The following ICA1L variants were observed in gnomAD, a reference collection of about 807,000 sequenced individuals.
The protein encoded by ICA1L is islet cell autoantigen 1 like, also known as islet cell autoantigen 1-like protein.
In ICA1L, 50 loss-of-function variants were observed where a neutral mutation model predicts 61.3. The ratio of observed to expected loss-of-function variants is 0.82; its 90% CI spans 0.65 to 1.03. The LOEUF (loss-of-function observed/expected upper bound fraction) is 1.03. Among genes scored for constraint, ICA1L ranks in the 50% least tolerant of loss-of-function variants. The pLI, the probability that ICA1L is intolerant of heterozygous loss-of-function variation, is 0.00. For synonymous variants in ICA1L, 161 were observed against 191.3 expected (o/e 0.84, Z 1.31); for missense variants, 508 against 556.7 (o/e 0.91, Z 0.88).
chr2:202,785,906 T>C lies in ICA1L; in HGVS notation c.1333+12A>G, dbSNP rs1416738458. 9 of 1,408,920 alleles carry C rather than the reference T, an allele frequency of 6.4e-6. No homozygotes were observed. The highest frequency in any genetic ancestry group is 8.9e-6 in the Non-Finnish European group (9 of 1,006,008). The allele number at this position is 1,408,920 out of a possible 1,614,324, so 87.3% of individuals were successfully genotyped here. A position where few individuals can be genotyped will look rare whatever the true frequency, so the allele number is the denominator to read the frequency against. ...AAAGCAATGATAAAGAATATATAAA[T>C]AAATAACTTACATCTTGTTAATTTC... is the stretch of plus-strand genomic sequence containing the variant. On this transcript the variant is annotated intron_variant, in intron 12 of 12. Coordinates refer to ENST00000358299, the MANE Select transcript of ICA1L (RefSeq NM_001288622.3).
chr2:202,797,132 T>TTGTGTGTGTGTGTGTGTGTGTGTGTG (rs58006631), intron 9 of ICA1L, among the ~76,000 whole-genome samples, 168 bp from the exon 10 acceptor site: 11 of 147,726 alleles, frequency 7.4e-5, no homozygotes, highest in Non-Finnish European at 1.5e-5. Context: ...AAAATCACAT[T>TTGTGTGTGTGTGTGTGTGTGTGTGTG]TGTGTGTGTG....
At chr2:202,821,316 A>G in intron 4 of ICA1L, 42 bp downstream of exon 4, 1 of 1,592,412 alleles carries the variant, frequency 6.3e-7, no homozygotes, top group Non-Finnish European at 8.5e-7. Context: ...CAAAACTGTC[A>G]GATTGACTAC....
In ICA1L at chr2:202,774,233, T is replaced by C. The variant is rs367592195; in HGVS notation, c.*5300A>G. ...CGGATCGAAGGCGCGGGGCGGCTCC[T>C]GAGTCTTCTCGCTCCTGTCGGCCAA... is the stretch of plus-strand genomic sequence containing the variant. On this transcript the variant is annotated 3_prime_UTR_variant, in exon 13 of 13. Transcript: ENST00000358299. 3.2e-4 allele frequency: 495 copies of C among 1,548,688 alleles called. 1 individual carries two copies. Among genetic ancestry groups the C allele is most frequent in the African/African-American group, 2.6e-3 (189 of 72,974 alleles).
At chr2:202,862,271 A>C (rs1694939810) in intron 1 of ICA1L, among the ~76,000 whole-genome samples, 1 of 40,010 alleles carries the variant, frequency 2.5e-5, no homozygotes, top group Non-Finnish European at 5.2e-5. Context: ...CCTCATTTCT[A>C]CAAAAAAAAA....
chr2:202,782,302 G>A (rs1692432531), intron 12 of ICA1L, among the ~76,000 whole-genome samples: 1 of 152,000 alleles, frequency 6.6e-6, no homozygotes, highest in African/African-American at 2.4e-5. Context: ...CCAAGATCAT[G>A]CCACTGCACT....
At position 202,856,921 on chromosome 2, in the gene ICA1L, C is replaced by T. The variant is rs149173781; in HGVS notation, c.-8+14698G>A. On this transcript the variant is annotated intron_variant, in intron 1 of 12. Coordinates refer to ENST00000358299, the MANE Select transcript of ICA1L (RefSeq NM_001288622.3). ...ATAAAATACCTAGGAATACAAGTTA[C>T]AAGGGATGTGAAGCACCTCTTCAAG... 1.0e-2 allele frequency among the ~76,000 whole-genome samples: 1,516 copies of T among 152,262 alleles called. 5 individuals are homozygous for T. The highest frequency in any genetic ancestry group is 0.014 in the Non-Finnish European group (965 of 68,024).
chr2:202,817,918 T>A (rs1693585188), intron 5 of ICA1L, among the ~76,000 whole-genome samples: 1 of 152,184 alleles, frequency 6.6e-6, no homozygotes, highest in Non-Finnish European at 1.5e-5. Flanking sequence ...TGAGAAACAT[T>A]AATAATATTT....
At chr2:202,853,365 A>AC in intron 1 of ICA1L, among the ~76,000 whole-genome samples, 1 of 151,904 alleles carries the variant, frequency 6.6e-6, no homozygotes, top group East Asian at 1.9e-4. Flanking sequence ...AAAAAAAAAA[A>AC]AAAAAAGACT....
Position 202,819,738 on chromosome 2 carries a change from T to G in ICA1L, c.521A>C (p.Asp174Ala), listed in dbSNP as rs770757083. The part of the protein sequence containing the change: ...LWMKDVSQEL[D>A]PDTLKQMEKF... ...TTCCATTTGCTTTAAGGTGTCTGGG[T>G]CCAGCTCTTGGGATACATCTTTCAT... The change falls in exon 5 of 13, where the codon GAC (aspartate) becomes GCC (alanine). Residue 174 changes from aspartate to alanine, a missense_variant. By Grantham distance (126) the Asp-to-Ala change is moderately radical (BLOSUM62 -2). Transcript: ENST00000358299. 1.9e-6 allele frequency: 3 copies of G among 1,614,056 alleles called. No individual in the cohort carries two copies. The highest frequency in any genetic ancestry group is 8.5e-7 in the Non-Finnish European group (1 of 1,180,010).
At chr2:202,813,491 T>C (rs1225743215) in intron 8 of ICA1L, among the ~76,000 whole-genome samples, 5 of 152,190 alleles carry the variant, frequency 3.3e-5, no homozygotes, top group Admixed American at 1.3e-4. Flanking sequence ...GTTCATTTAG[T>C]TCTGCAGGTT....
chr2:202,784,218 G>A (rs751020707), intron 12 of ICA1L, among the ~76,000 whole-genome samples: 36 of 152,238 alleles, frequency 2.4e-4, no homozygotes, highest in Admixed American at 3.9e-4. Context: ...TTGGGAGGCC[G>A]AGGCAGGTGG....
At chr2:202,870,695 T>G (rs888738076) in intron 1 of ICA1L, 4 of 152,234 alleles carry the variant, frequency 2.6e-5, no homozygotes, top group Non-Finnish European at 5.9e-5. Context: ...TAAATACTTT[T>G]GGGAAAAATC....
chr2:202,834,323 T>G (rs1007278435), intron 1 of ICA1L, among the ~76,000 whole-genome samples: 1 of 152,102 alleles, frequency 6.6e-6, no homozygotes, highest in East Asian at 1.9e-4. Context: ...TTTCTTCACA[T>G]TATATAACTT....
chr2:202,825,409 G>A (rs1441201702), intron 3 of ICA1L: 3 of 500,134 alleles, frequency 6.0e-6, no homozygotes, highest in Non-Finnish European at 8.7e-6. Flanking sequence ...GGTGGAGACT[G>A]TAGTGAGCTG....
At chr2:202,813,549 T>A (rs1373319219) in intron 8 of ICA1L, among the ~76,000 whole-genome samples, 1 of 152,216 alleles carries the variant, frequency 6.6e-6, no homozygotes, top group Non-Finnish European at 1.5e-5. Context: ...GCTTTAGTGC[T>A]GCATCATAAC....
intron 9 of ICA1L, among the ~76,000 whole-genome samples, chr2:202,807,790 G>A (rs1265747072): frequency 6.6e-6 from 1 of 152,130 alleles, no homozygotes; most frequent in African/African-American, 2.4e-5. Flanking sequence ...AGCCACAGTA[G>A]GATAGGGGAC....
chr2:202,802,760 A>T (rs946207398), intron 9 of ICA1L, among the ~76,000 whole-genome samples: 7 of 152,286 alleles, frequency 4.6e-5, no homozygotes, highest in African/African-American at 1.7e-4. Flanking sequence ...GTAAATCTCA[A>T]TTTTTTTAAT....
chr2:202,865,176 A>G (rs921680961), intron 1 of ICA1L, among the ~76,000 whole-genome samples: 2 of 149,102 alleles, frequency 1.3e-5, no homozygotes, highest in African/African-American at 5.0e-5. Flanking sequence ...AAAAAAAAAA[A>G]TCTCCTCTTT....
In ICA1L at chr2:202,779,465, C is replaced by A; in HGVS notation, c.*68G>T. On this transcript the variant is annotated 3_prime_UTR_variant, in exon 13 of 13. Coordinates refer to ENST00000358299, the MANE Select transcript of ICA1L (RefSeq NM_001288622.3). ...TTGTGTGCGGGTTACAATCTAAATC[C>A]TTTCCACGAAGGAAATACGTTGCAA... The A allele has an allele frequency of 1.1e-6, 1 of 944,458 alleles. No individual in the cohort carries two copies. Among genetic ancestry groups the A allele is most frequent in the South Asian group, 1.5e-5 (1 of 66,394 alleles). The allele number at this position is 944,458 out of a possible 1,614,324, so 58.5% of individuals were successfully genotyped here.
Sources: gnomAD v4.1 joint callset for allele counts (sites outside exome capture counted in the v4.1 genomes callset) on GRCh38, gnomAD v4.1.1 for gene constraint, MANE v1.5 for transcripts, NCBI Gene and HGNC (gene_info 2026-07-23, HGNC 2026-07-21) for gene names.